The following COTL1 variants were observed in gnomAD, a reference collection of about 807,000 sequenced individuals.
COTL1 encodes coactosin-like protein.
Under a neutral mutation model 16.5 loss-of-function variants are expected in COTL1, and 15 were observed. The ratio of observed to expected loss-of-function variants is 0.91; its 90% CI spans 0.61 to 1.40. The LOEUF (loss-of-function observed/expected upper bound fraction) is 1.40, where lower values mean the gene tolerates loss of function less well. Ranked by LOEUF, COTL1 falls within the 40% of genes most tolerant of loss-of-function variation. The pLI, the probability that COTL1 is intolerant of heterozygous loss-of-function variation, is 0.00. For synonymous variants in COTL1, 112 were observed against 85.3 expected (o/e 1.31, Z -1.73); for missense variants, 220 against 201.5 (o/e 1.09, Z -0.56).
At chr16:84,597,652 G>A (rs557466975) in intron 2 of COTL1, among the ~76,000 whole-genome samples, 2 of 152,180 alleles carry the variant, frequency 1.3e-5, no homozygotes, top group Non-Finnish European at 2.9e-5. Flanking sequence ...GAAATGGTGA[G>A]AACTCACTGT....
chr16:84,577,915 G>T (rs1007082001), intron 3 of COTL1, among the ~76,000 whole-genome samples: 1 of 152,176 alleles, frequency 6.6e-6, no homozygotes, highest in Non-Finnish European at 1.5e-5. Context: ...TTGGGCAACT[G>T]CCTGGAGTCT....
At chr16:84,604,259 C>T (rs1313337475) in intron 2 of COTL1, among the ~76,000 whole-genome samples, 1 of 89,654 alleles carries the variant, frequency 1.1e-5, no homozygotes, top group Non-Finnish European at 2.3e-5. Context: ...CTCCCCACCC[C>T]ACACTCACCC....
intron 3 of COTL1, chr16:84,575,252 G>A (rs1238629704): frequency 6.6e-6 from 1 of 152,192 alleles, no homozygotes; most frequent in Admixed American, 6.5e-5. Context: ...TGGCCAGGCT[G>A]GTCTTGAACT....
intron 2 of COTL1, chr16:84,615,989 A>C (rs1251097792): frequency 6.6e-6 from 1 of 152,226 alleles, no homozygotes. Context: ...TTAAGGAAAG[A>C]AACACCCACA....
At chr16:84,591,298 C>T (rs1436275136) in intron 2 of COTL1, among the ~76,000 whole-genome samples, 3 of 151,786 alleles carry the variant, frequency 2.0e-5, no homozygotes, top group Non-Finnish European at 2.9e-5. Context: ...ATTCTCCTGC[C>T]TCAGCCTCCC....
intron 3 of COTL1, chr16:84,569,204 C>T (rs1489827526): frequency 6.6e-6 from 1 of 152,326 alleles, no homozygotes; most frequent in East Asian, 1.9e-4. Flanking sequence ...GCCTGCAATC[C>T]CAGCTACTGG....
At chr16:84,591,509 G>A (rs62050719) in intron 2 of COTL1, among the ~76,000 whole-genome samples, 30,429 of 149,992 alleles carry the variant, frequency 0.2, 3,431 homozygotes, top group African/African-American at 0.31. Context: ...TTAAAGTGAT[G>A]TGTGTATTGG....
Position 84,566,556 on chromosome 16 carries a change from G to A in COTL1, c.*289C>T. Reference sequence around the variant, plus strand: ...CTGCAGGAGGCACCTCGGATCTGATGGCAGGCAGGACCTTGCATCAAAATG... The same window carrying A: ...CTGCAGGAGGCACCTCGGATCTGATAGCAGGCAGGACCTTGCATCAAAATG... On this transcript the variant is annotated 3_prime_UTR_variant, in exon 4 of 4. Transcript: ENST00000262428. 1 of 339,124 alleles carries A rather than the reference G, an allele frequency of 2.9e-6. No individual in the cohort carries two copies. Among genetic ancestry groups the A allele is most frequent in the Non-Finnish European group, 5.5e-6 (1 of 183,080 alleles). The allele number at this position is 339,124 out of a possible 1,614,324, so 21.0% of individuals were successfully genotyped here.
In COTL1 at chr16:84,618,002, C is replaced by G; in HGVS notation, c.-88G>C. The stretch of plus-strand genomic sequence containing the variant: ...GGATGGGAGCGCGGCGGGTACGCGC[C>G]GAGGGCGCACGGGCTGGCGGCGGTG... On this transcript the variant is annotated 5_prime_UTR_variant, in exon 1 of 4. Transcript: ENST00000262428. The G allele has an allele frequency of 4.7e-6, 4 of 847,752 alleles. No homozygotes were observed. The highest frequency in any genetic ancestry group is 6.2e-6 in the Non-Finnish European group (4 of 645,886). 52.5% of individuals were successfully genotyped at this position (847,752 alleles called of 1,614,324 possible). A position where few individuals can be genotyped will look rare whatever the true frequency, so the allele number is the denominator to read the frequency against.
chr16:84,592,772 C>T (rs58822061), intron 2 of COTL1, among the ~76,000 whole-genome samples: 1,704 of 152,140 alleles, frequency 0.011, 29 homozygotes, highest in African/African-American at 0.039. Flanking sequence ...ATCTCAAAAC[C>T]GGAGGGGGTA....
chr16:84,604,352 G>T (rs930267126), intron 2 of COTL1, among the ~76,000 whole-genome samples: 6 of 127,292 alleles, frequency 4.7e-5, no homozygotes, highest in Non-Finnish European at 9.8e-5. Context: ...GGCCCTACTA[G>T]GTTCCTGTCC....
In COTL1 at chr16:84,590,300, T is replaced by C; in HGVS notation, c.161-38A>G. On this transcript the variant is annotated intron_variant, in intron 2 of 3. Transcript: ENST00000262428. This position sits in a 1 kb window ranked among gnomAD's most constrained non-coding sequence, Gnocchi z 5.5. ...GCGAAAAGAGAACATGGTGCTGCGT[T>C]AAAACACCCCCATGTCATGTCCCTG... The C allele has an allele frequency of 2.5e-6, 4 of 1,603,460 alleles. No homozygotes were observed. Among genetic ancestry groups the C allele is most frequent in the South Asian group, 1.1e-5 (1 of 90,204 alleles).
chr16:84,572,664 G>C (rs1397988245), intron 3 of COTL1, among the ~76,000 whole-genome samples: 1 of 152,124 alleles, frequency 6.6e-6, no homozygotes, highest in Non-Finnish European at 1.5e-5. Context: ...GTTTCGTCAT[G>C]TTGCCCAGGC....
chr16:84,572,100 T>C (rs1904347929), intron 3 of COTL1, among the ~76,000 whole-genome samples: 1 of 152,206 alleles, frequency 6.6e-6, no homozygotes, highest in Admixed American at 6.5e-5. Flanking sequence ...TCCCATGAGA[T>C]AAGGGAGTTG....
At chr16:84,607,326 C>T (rs750084002) in intron 2 of COTL1, among the ~76,000 whole-genome samples, 3 of 152,014 alleles carry the variant, frequency 2.0e-5, no homozygotes, top group Non-Finnish European at 4.4e-5. Flanking sequence ...CCTAGGGAAG[C>T]GGGAAGGCAG....
intron 2 of COTL1, among the ~76,000 whole-genome samples, chr16:84,591,171 T>C (rs1904850796): frequency 2.0e-5 from 3 of 148,984 alleles, no homozygotes; most frequent in African/African-American, 7.5e-5. Context: ...AAAATATCAT[T>C]TGATATTCTG....
intron 2 of COTL1, among the ~76,000 whole-genome samples, chr16:84,607,833 T>C (rs1025474075): frequency 2.6e-5 from 4 of 152,008 alleles, no homozygotes; most frequent in African/African-American, 7.3e-5. Context: ...TGGGGCATAG[T>C]AGATGCTCGA....
At chr16:84,605,390 C>G (rs1905192366) in intron 2 of COTL1, among the ~76,000 whole-genome samples, 1 of 152,234 alleles carries the variant, frequency 6.6e-6, no homozygotes, top group Admixed American at 6.5e-5. Context: ...TCACAAGTGA[C>G]TGCGGCAGGC....
At chr16:84,603,285 T>C (rs1023934725) in intron 2 of COTL1, among the ~76,000 whole-genome samples, 9 of 152,150 alleles carry the variant, frequency 5.9e-5, no homozygotes, top group Non-Finnish European at 1.2e-4. Flanking sequence ...CACTTATTCA[T>C]TACCCCATGC....
Sources: gnomAD v4.1 joint callset for allele counts (sites outside exome capture counted in the v4.1 genomes callset) on GRCh38, gnomAD v4.1.1 for gene constraint, Gnocchi (gnomAD v3.1) non-coding constraint, MANE v1.5 for transcripts, NCBI Gene and HGNC (gene_info 2026-07-23, HGNC 2026-07-21) for gene names.